Variants in KCND2 observed in about 807,000 individuals in gnomAD.
The protein encoded by KCND2 is A-type voltage-gated potassium channel KCND2.
In KCND2, 16 loss-of-function variants were observed where a neutral mutation model predicts 54.4. The ratio of observed to expected loss-of-function variants is 0.29; its 90% CI spans 0.20 to 0.45. KCND2 has a LOEUF of 0.45. Among genes scored for constraint, KCND2 ranks in the 20% least tolerant of loss-of-function variants. The pLI is 1.00. For missense variants in KCND2, 486 were observed against 824.2 expected (o/e 0.59, Z 5.02); for synonymous variants, 317 against 310.7 (o/e 1.02, Z -0.21).
intron 1 of KCND2, among the ~76,000 whole-genome samples, chr7:120,368,108 C>G (rs1042738437): frequency 6.6e-6 from 1 of 152,042 alleles, no homozygotes; most frequent in Admixed American, 6.6e-5. Context: ...TCATTCGATC[C>G]GAAGCATTTC....
intron 1 of KCND2, among the ~76,000 whole-genome samples, chr7:120,656,534 C>A (rs1423080684): frequency 1.3e-5 from 2 of 152,068 alleles, no homozygotes; most frequent in Admixed American, 6.6e-5. Flanking sequence ...AGATTCATAT[C>A]CAAGTGTATC....
At chr7:120,380,804 T>C (rs2116025332) in intron 1 of KCND2, among the ~76,000 whole-genome samples, 1 of 152,196 alleles carries the variant, frequency 6.6e-6, no homozygotes, top group South Asian at 2.1e-4. Flanking sequence ...CATTCTACCC[T>C]ATATACATAA....
At chr7:120,599,228 C>T (rs547607932) in intron 1 of KCND2, among the ~76,000 whole-genome samples, 2 of 152,168 alleles carry the variant, frequency 1.3e-5, no homozygotes, top group South Asian at 4.1e-4. Context: ...ACTGTAGCTT[C>T]ATAATAGGTC....
chr7:120,524,373 T>A (rs1791745142), intron 1 of KCND2, among the ~76,000 whole-genome samples: 3 of 152,172 alleles, frequency 2.0e-5, no homozygotes, highest in Admixed American at 1.3e-4. Flanking sequence ...CAAAATAAAT[T>A]GTATAACTAT....
At chr7:120,563,115 A>G (rs1342937729) in intron 1 of KCND2, among the ~76,000 whole-genome samples, 1 of 152,176 alleles carries the variant, frequency 6.6e-6, no homozygotes, top group Non-Finnish European at 1.5e-5. Context: ...TAGAGGTTCT[A>G]ATGTTATTAA....
At chr7:120,731,636 A>G (rs1183821036) in intron 1 of KCND2, among the ~76,000 whole-genome samples, 2 of 152,208 alleles carry the variant, frequency 1.3e-5, no homozygotes, top group Non-Finnish European at 2.9e-5. Context: ...TTTTAAAACC[A>G]AAGTTCTGGC....
chr7:120,370,053 C>T (rs1298919006), intron 1 of KCND2, among the ~76,000 whole-genome samples: 2 of 151,982 alleles, frequency 1.3e-5, no homozygotes, highest in African/African-American at 2.4e-5. Context: ...AAAGGATGGT[C>T]TGTTTGCCTT....
At chr7:120,517,115 A>G (rs1319783818) in intron 1 of KCND2, among the ~76,000 whole-genome samples, 1 of 152,114 alleles carries the variant, frequency 6.6e-6, no homozygotes, top group Non-Finnish European at 1.5e-5. Flanking sequence ...TGACTATGCA[A>G]TTACTTTTAT....
At chr7:120,357,184 G>A (rs755346134) in intron 1 of KCND2, among the ~76,000 whole-genome samples, 8 of 152,004 alleles carry the variant, frequency 5.3e-5, no homozygotes, top group Admixed American at 4.6e-4. Flanking sequence ...AGTGCCACCA[G>A]AAATTAAAAT....
rs561406952 is a variant in KCND2, at chr7:120,557,974, A to G, written c.1116-174929A>G. ...AAGAAATATATGATTTGAAATGTAC[A>G]ATAGTCCTAATTGGCTAACTTTCTG... On this transcript the variant is annotated intron_variant, in intron 1 of 5. Transcript: ENST00000331113. Among the ~76,000 whole-genome samples, 15 of 152,268 alleles carry G rather than the reference A, an allele frequency of 9.9e-5. No homozygotes were observed. The East Asian group carries it at 2.5e-3, about 25-fold the overall frequency.
intron 1 of KCND2, among the ~76,000 whole-genome samples, chr7:120,439,679 G>T (rs1801921689): frequency 6.6e-6 from 1 of 151,912 alleles, no homozygotes; most frequent in East Asian, 1.9e-4. Context: ...ATCCTTCAGG[G>T]TCTAATAGCC....
At chr7:120,379,659 C>T (rs1218481971) in intron 1 of KCND2, among the ~76,000 whole-genome samples, 1 of 151,862 alleles carries the variant, frequency 6.6e-6, no homozygotes, top group Non-Finnish European at 1.5e-5. Context: ...CTAGAGTTTA[C>T]AAAGATCTTG....
intron 1 of KCND2, among the ~76,000 whole-genome samples, chr7:120,695,840 G>A (rs1420006604): frequency 1.3e-5 from 2 of 152,170 alleles, no homozygotes; most frequent in African/African-American, 4.8e-5. Context: ...AGGACACTGA[G>A]TAGTTTATAG....
intron 1 of KCND2, among the ~76,000 whole-genome samples, chr7:120,351,708 A>G (rs939476955): frequency 1.3e-5 from 2 of 152,130 alleles, no homozygotes; most frequent in Non-Finnish European, 2.9e-5. Context: ...GCTGAAAAAT[A>G]TATCTCCTCC....
At chr7:120,629,834 C>T (rs931244922) in intron 1 of KCND2, among the ~76,000 whole-genome samples, 5 of 151,820 alleles carry the variant, frequency 3.3e-5, no homozygotes, top group Admixed American at 3.3e-4. Context: ...TTAGTCGGGA[C>T]AACTAGAAAA....
At chr7:120,457,741 A>G (rs569783503) in intron 1 of KCND2, among the ~76,000 whole-genome samples, 20 of 152,176 alleles carry the variant, frequency 1.3e-4, no homozygotes, top group Admixed American at 2.0e-4. Flanking sequence ...AGCCCTCCAG[A>G]CTGTTCCAAC....
chr7:120,553,419 A>G (rs1792125422), intron 1 of KCND2, among the ~76,000 whole-genome samples: 1 of 152,206 alleles, frequency 6.6e-6, no homozygotes, highest in South Asian at 2.1e-4. Context: ...TTTCTTATCC[A>G]TTCATCCACT....
At chr7:120,679,116 A>G (rs1346944956) in intron 1 of KCND2, among the ~76,000 whole-genome samples, 1 of 151,802 alleles carries the variant, frequency 6.6e-6, no homozygotes, top group African/African-American at 2.4e-5. Flanking sequence ...GCCTACCCTG[A>G]GGCTTTATTT....
At chr7:120,436,287 A>C (rs1038768006) in intron 1 of KCND2, among the ~76,000 whole-genome samples, 1 of 152,226 alleles carries the variant, frequency 6.6e-6, no homozygotes, top group African/African-American at 2.4e-5. Context: ...TGTACTCATC[A>C]TTAAGAAATT....
Sources: allele counts gnomAD v4.1 joint callset (sites outside exome capture counted in the v4.1 genomes callset), GRCh38; gene constraint gnomAD v4.1.1; transcripts MANE v1.5; gene names NCBI Gene and HGNC (gene_info 2026-07-23, HGNC 2026-07-21).